Variants in FBXO21 observed in about 807,000 individuals in gnomAD.
FBXO21 encodes F-box protein 21, also known as F-box only protein 21.
In FBXO21, 32 loss-of-function variants were observed where a neutral mutation model predicts 76.6. That is an observed-to-expected ratio of 0.42 (90% confidence interval 0.32 to 0.56). The LOEUF is 0.56. FBXO21 is among the 20% of genes least tolerant of loss of function. The pLI is 0.16. For missense variants in FBXO21, 586 were observed against 797.3 expected, an observed-to-expected ratio of 0.73 and a Z score of 3.19; for synonymous variants, 328 against 311.5, an observed-to-expected ratio of 1.05 and a Z score of -0.56.
chr12:117,186,730 TA>T (rs1956286768), intron 2 of FBXO21, among the ~76,000 whole-genome samples, 159 bp from the exon 3 acceptor site: 2 of 142,002 alleles, frequency 1.4e-5, no homozygotes, highest in South Asian at 4.4e-4. Flanking sequence ...GAAAATAACA[TA>T]AAGTAACAAT....
intron 9 of FBXO21, among the ~76,000 whole-genome samples, chr12:117,163,524 C>A (rs1277071324): frequency 6.6e-6 from 1 of 152,000 alleles, no homozygotes; most frequent in Non-Finnish European, 1.5e-5. Flanking sequence ...GAGAGTGAGA[C>A]TGTCTCAAAA....
At chr12:117,148,454 T>C (rs1367798242) in intron 11 of FBXO21, among the ~76,000 whole-genome samples, 1 of 152,242 alleles carries the variant, frequency 6.6e-6, no homozygotes, top group Admixed American at 6.5e-5. Flanking sequence ...ATGAGCAACC[T>C]GTTTGTAAGA....
intron 11 of FBXO21, among the ~76,000 whole-genome samples, chr12:117,151,448 C>A (rs946054644): frequency 2.0e-5 from 3 of 152,188 alleles, no homozygotes; most frequent in Admixed American, 1.3e-4. Flanking sequence ...CTCTTCAACT[C>A]TCCGTGCAGA....
chr12:117,181,319 A>T (rs957393228), intron 3 of FBXO21, among the ~76,000 whole-genome samples: 5 of 152,200 alleles, frequency 3.3e-5, no homozygotes, highest in African/African-American at 1.2e-4. Flanking sequence ...ATCATTGAGT[A>T]TCTTAAGCTA....
At chr12:117,155,665 G>A (rs1239479005) in intron 11 of FBXO21, 126 bp downstream of exon 11, 1 of 1,084,022 alleles carries the variant, frequency 9.2e-7, no homozygotes, top group South Asian at 1.5e-5. Flanking sequence ...AAGGAGGCCG[G>A]CCATGGGGCG....
chr12:117,173,477 G>C (rs1956138524), intron 6 of FBXO21, among the ~76,000 whole-genome samples: 2 of 152,110 alleles, frequency 1.3e-5, no homozygotes, highest in African/African-American at 4.8e-5. Flanking sequence ...AGCAGACAGG[G>C]CAACAAACTA....
At chr12:117,160,462 T>TACTG (rs1955964820) in intron 9 of FBXO21, among the ~76,000 whole-genome samples, 2 of 152,200 alleles carry the variant, frequency 1.3e-5, no homozygotes, top group South Asian at 4.1e-4. Flanking sequence ...CTGCACTCGA[T>TACTG]GGCTTCAGGT....
At chr12:117,151,283 C>T (rs950368945) in intron 11 of FBXO21, among the ~76,000 whole-genome samples, 5 of 152,240 alleles carry the variant, frequency 3.3e-5, no homozygotes, top group Middle Eastern at 6.8e-3. Flanking sequence ...TATCAAAGCG[C>T]GCCCCCTTGT....
intron 7 of FBXO21, among the ~76,000 whole-genome samples, chr12:117,171,560 T>C (rs575723346): frequency 1.3e-5 from 2 of 152,148 alleles, no homozygotes; most frequent in South Asian, 2.1e-4. Context: ...GGGTATATAA[T>C]ATACTGGGTG....
intron 4 of FBXO21, 41 bp from the exon 5 acceptor site, chr12:117,174,838 C>T (rs1167114511): frequency 6.3e-7 from 1 of 1,597,332 alleles, no homozygotes; most frequent in Non-Finnish European, 8.6e-7. Flanking sequence ...TCTCACGTTA[C>T]CCTTTTCTTA....
intron 4 of FBXO21, among the ~76,000 whole-genome samples, chr12:117,175,280 G>A (rs1259398141): frequency 6.6e-6 from 1 of 152,170 alleles, no homozygotes; most frequent in Non-Finnish European, 1.5e-5. Context: ...CATCTCAAGG[G>A]TGAACAGTAA....
rs566867370 is a variant in FBXO21, at chr12:117,158,633, T to C, written c.1327-570A>G. ...AGTGGGCACCAAAGGGATGCATTCG[T>C]TGAGTTTATGAAGCTACACTAGAAG... is the stretch of plus-strand genomic sequence containing the variant. On this transcript the variant is annotated intron_variant, in intron 9 of 11. Coordinates refer to ENST00000622495, the MANE Select transcript of FBXO21 (RefSeq NM_015002.3). Among the ~76,000 whole-genome samples, 5 of 152,330 alleles carry C rather than the reference T, an allele frequency of 3.3e-5. No individual in the cohort carries two copies. In the East Asian group the frequency reaches 7.7e-4, roughly 23 times the overall value.
At chr12:117,162,743 G>C (rs922118736) in intron 9 of FBXO21, among the ~76,000 whole-genome samples, 6 of 152,172 alleles carry the variant, frequency 3.9e-5, no homozygotes, top group African/African-American at 1.4e-4. Flanking sequence ...CTCACACTCC[G>C]TAACAATTTT....
chr12:117,148,173 A>AT (rs1555238845), intron 11 of FBXO21, among the ~76,000 whole-genome samples: 4 of 151,908 alleles, frequency 2.6e-5, no homozygotes, highest in Admixed American at 6.5e-5. Flanking sequence ...TTCTTTTTAA[A>AT]CATAAAACAG....
chr12:117,165,454 C>T, intron 9 of FBXO21, 31 bp downstream of exon 9: 1 of 1,603,750 alleles, frequency 6.2e-7, no homozygotes, highest in Non-Finnish European at 8.5e-7. Context: ...CTTTCTAAGG[C>T]AAGTGCAAAG....
At chr12:117,163,078 A>G (rs1210956149) in intron 9 of FBXO21, among the ~76,000 whole-genome samples, 1 of 152,168 alleles carries the variant, frequency 6.6e-6, no homozygotes, top group African/African-American at 2.4e-5. Flanking sequence ...AGGCAGTCAC[A>G]CATGCGCTGG....
chr12:117,147,247 AAAAG>A (rs763143043), intron 11 of FBXO21, among the ~76,000 whole-genome samples: 5 of 150,356 alleles, frequency 3.3e-5, no homozygotes, highest in Non-Finnish European at 5.9e-5. Flanking sequence ...CATCTCAAAA[AAAAG>A]AAAGAAAGAA....
intron 8 of FBXO21, among the ~76,000 whole-genome samples, chr12:117,165,960 C>T (rs1362369981): frequency 1.5e-4 from 23 of 152,090 alleles, no homozygotes; most frequent in Admixed American, 9.2e-4. Context: ...GAGGCCAAGG[C>T]GGGCGGATCA....
At position 117,143,653 on chromosome 12, in the gene FBXO21, AC is replaced by A. The variant is rs1489723377; in HGVS notation, c.*2433del. The A allele has an allele frequency of 6.6e-6, 1 of 152,594 alleles. No individual in the cohort carries two copies. Among genetic ancestry groups the A allele is most frequent in the East Asian group, 1.9e-4 (1 of 5,206 alleles). The allele number at this position is 152,594 out of a possible 1,614,324, so 9.5% of individuals were successfully genotyped here. On this transcript the variant is annotated 3_prime_UTR_variant, in exon 12 of 12. Transcript: ENST00000622495. ...TGGTTTACAGGTAGGCTGTCCGCTC[AC>A]CAATGCTCAGAAAAATTCAGCAGAA... is the stretch of plus-strand genomic sequence containing the variant.
Sources: allele counts gnomAD v4.1 joint callset (sites outside exome capture counted in the v4.1 genomes callset), GRCh38; gene constraint gnomAD v4.1.1; transcripts MANE v1.5; gene names NCBI Gene and HGNC (gene_info 2026-07-23, HGNC 2026-07-21).